Variants in CDH1 observed in about 807,000 individuals in gnomAD.
The protein encoded by CDH1 is cadherin-1.
A neutral mutation model predicts 84.5 loss-of-function variants in CDH1; 35 were observed. The observed-to-expected ratio is 0.41, with a 90% confidence interval of 0.32 to 0.55. The LOEUF is 0.55. CDH1 is among the 20% of genes least tolerant of loss of function. CDH1 has a pLI of 0.19. For missense variants in CDH1, 994 were observed against 1,126.6 expected (o/e 0.88, Z 1.68); for synonymous variants, 417 against 439.0 (o/e 0.95, Z 0.63).
rs587782466 is a variant in CDH1, at chr16:68,829,738, G to A, written c.2380G>A (p.Val794Ile). The change falls in exon 15 of 16, where the codon GTC (valine) becomes ATC (isoleucine). Residue 794 changes from valine to isoleucine, a missense_variant. By Grantham distance (29) the Val-to-Ile change is conservative (BLOSUM62 3). Coordinates refer to ENST00000261769, the MANE Select transcript of CDH1 (RefSeq NM_004360.5). ...RNDVAPTLMSVPRYLPRPANP... is the reference protein window; with the variant it reads ...RNDVAPTLMSIPRYLPRPANP... Reference sequence around the variant, plus strand: ...CGACGTTGCACCAACCCTCATGAGTGTCCCCCGGTATCTTCCCCGCCCTGC... The same window carrying A: ...CGACGTTGCACCAACCCTCATGAGTATCCCCCGGTATCTTCCCCGCCCTGC... The A allele has an allele frequency of 5.6e-6, 9 of 1,613,918 alleles. No homozygotes were observed. Among genetic ancestry groups the A allele is most frequent in the Admixed American group, 1.7e-5 (1 of 59,988 alleles).
At chr16:68,738,739 G>T (rs1461162137) in intron 2 of CDH1, among the ~76,000 whole-genome samples, 2 of 151,938 alleles carry the variant, frequency 1.3e-5, no homozygotes, top group East Asian at 1.9e-4. Context: ...GGGTGGGAAG[G>T]CCTGGCAGGA....
At chr16:68,767,982 C>T (rs1031505886) in intron 2 of CDH1, among the ~76,000 whole-genome samples, 5 of 150,244 alleles carry the variant, frequency 3.3e-5, no homozygotes, top group Non-Finnish European at 7.4e-5. Flanking sequence ...TGAGATGGAG[C>T]TTTGCTCTTG....
intron 15 of CDH1, 146 bp from the exon 16 acceptor site, chr16:68,833,144 A>C: frequency 1.4e-6 from 1 of 701,476 alleles, no homozygotes; most frequent in Non-Finnish European, 2.6e-6. Context: ...AGTGTGTATA[A>C]ATGTACGTTG....
chr16:68,822,808 C>A, intron 12 of CDH1: 1 of 247,218 alleles, frequency 4.0e-6, no homozygotes, highest in South Asian at 5.3e-5. Context: ...AGTGTGGCGG[C>A]CGCACTGTCT....
chr16:68,769,496 A>G (rs1045935944), intron 2 of CDH1, among the ~76,000 whole-genome samples: 1 of 151,478 alleles, frequency 6.6e-6, no homozygotes. Flanking sequence ...TTTAATTGAG[A>G]CAGGGTCTCA....
At chr16:68,814,894 T>C (rs1960941336) in intron 9 of CDH1, among the ~76,000 whole-genome samples, 2 of 144,948 alleles carry the variant, frequency 1.4e-5, no homozygotes, top group South Asian at 2.2e-4. Flanking sequence ...TACTCCAACC[T>C]GGGCAATAGA....
At chr16:68,745,897 A>G (rs1301747679) in intron 2 of CDH1, among the ~76,000 whole-genome samples, 1 of 152,126 alleles carries the variant, frequency 6.6e-6, no homozygotes, top group African/African-American at 2.4e-5. Flanking sequence ...AGTTCACTGC[A>G]ACCTCCGCCT....
At chr16:68,764,738 G>T (rs925921314) in intron 2 of CDH1, among the ~76,000 whole-genome samples, 4 of 152,174 alleles carry the variant, frequency 2.6e-5, no homozygotes, top group African/African-American at 7.2e-5. Flanking sequence ...GTGGAGGAGG[G>T]ATTCCAGTGT....
intron 14 of CDH1, among the ~76,000 whole-genome samples, chr16:68,828,791 C>A (rs1797675771): frequency 6.6e-6 from 1 of 152,172 alleles, no homozygotes; most frequent in South Asian, 2.1e-4. Flanking sequence ...ACATCTTACC[C>A]TGGAGTTGTC....
At chr16:68,789,418 G>A (rs1205310924) in intron 2 of CDH1, among the ~76,000 whole-genome samples, 2 of 152,188 alleles carry the variant, frequency 1.3e-5, no homozygotes, top group Non-Finnish European at 1.5e-5. Flanking sequence ...AAATGAATTA[G>A]GAAAGGGATA....
intron 1 of CDH1, 141 bp from the exon 2 acceptor site, chr16:68,738,156 C>G: frequency 1.6e-6 from 1 of 615,064 alleles, no homozygotes; most frequent in Non-Finnish European, 2.9e-6. Context: ...GACGTCGCTG[C>G]CCGCCCGTCC....
intron 2 of CDH1, among the ~76,000 whole-genome samples, chr16:68,772,286 C>T (rs1659985078): frequency 6.6e-6 from 1 of 152,206 alleles, no homozygotes; most frequent in Non-Finnish European, 1.5e-5. Context: ...TCGTGCCATG[C>T]ATGGAAGGGC....
chr16:68,805,187 C>G (rs1241438082), intron 3 of CDH1, among the ~76,000 whole-genome samples: 1 of 150,734 alleles, frequency 6.6e-6, no homozygotes, highest in Non-Finnish European at 1.5e-5. Flanking sequence ...ATTTCCCTTC[C>G]TTTTGTGTTT....
At chr16:68,810,424 T>C (rs753163662) in intron 6 of CDH1, 83 bp downstream of exon 6, 31 of 1,352,526 alleles carry the variant, frequency 2.3e-5, no homozygotes, top group Admixed American at 5.0e-5. Flanking sequence ...GCCCAAAGGT[T>C]GTGTAACTAA....
At chr16:68,818,553 A>T (rs1402447596) in intron 10 of CDH1, among the ~76,000 whole-genome samples, 5 of 128,098 alleles carry the variant, frequency 3.9e-5, no homozygotes, top group African/African-American at 8.9e-5. Context: ...TTTTTTTTTT[A>T]AAGACGGAGT....
intron 2 of CDH1, among the ~76,000 whole-genome samples, chr16:68,781,821 T>A (rs1014419785): frequency 1.3e-5 from 2 of 152,116 alleles, no homozygotes; most frequent in Non-Finnish European, 2.9e-5. Flanking sequence ...TGAGAGACTG[T>A]TGAAGACCAC....
chr16:68,737,363 G>A lies in CDH1; in HGVS notation c.-53G>A, dbSNP rs2152113880. ...TCAGACTCCAGCCCGCTCCAGCCCG[G>A]CCCGACCCGACCGCACCCGGCGCCT... On this transcript the variant is annotated 5_prime_UTR_variant, in exon 1 of 16. Coordinates refer to ENST00000261769, the MANE Select transcript of CDH1 (RefSeq NM_004360.5). 6.7e-7 allele frequency: 1 copy of A among 1,491,050 alleles called. No individual in the cohort carries two copies. Among genetic ancestry groups the A allele is most frequent in the Non-Finnish European group, 9.0e-7 (1 of 1,112,104 alleles). 92.4% of individuals were successfully genotyped at this position (1,491,050 alleles called of 1,614,324 possible). A position where few individuals can be genotyped will look rare whatever the true frequency, so the allele number is the denominator to read the frequency against.
At chr16:68,759,483 C>CT (rs1963104041) in intron 2 of CDH1, among the ~76,000 whole-genome samples, 1 of 145,632 alleles carries the variant, frequency 6.9e-6, no homozygotes, top group Non-Finnish European at 1.5e-5. Flanking sequence ...ATTTTCTTTT[C>CT]TTTCTTTTTT....
chr16:68,776,826 C>T (rs1368703893), intron 2 of CDH1, among the ~76,000 whole-genome samples: 1 of 152,190 alleles, frequency 6.6e-6, no homozygotes, highest in East Asian at 1.9e-4. Flanking sequence ...GGTCACTTTA[C>T]ATTATATACT....
Sources: allele counts gnomAD v4.1 joint callset (sites outside exome capture counted in the v4.1 genomes callset), GRCh38; gene constraint gnomAD v4.1.1; transcripts MANE v1.5; gene names NCBI Gene and HGNC (gene_info 2026-07-23, HGNC 2026-07-21).